DENND5A: variants seen among roughly 807,000 people sequenced by gnomAD.
The protein encoded by DENND5A is DENN domain containing 5A.
Under a neutral mutation model 140.3 loss-of-function variants are expected in DENND5A, and 64 were observed. The observed-to-expected ratio is 0.46, with a 90% CI of 0.37 to 0.56. DENND5A has a LOEUF of 0.56. DENND5A is among the 20% of genes least tolerant of loss of function. The pLI is 0.00. For synonymous variants in DENND5A, 605 were observed against 607.7 expected, an observed-to-expected ratio of 1.00 and a Z score of 0.07; for missense variants, 1,292 against 1,593.8, an observed-to-expected ratio of 0.81 and a Z score of 3.22.
At chr11:9,143,652 C>G (rs1008580226) in intron 19 of DENND5A, among the ~76,000 whole-genome samples, 167 bp from the exon 20 acceptor site, 1 of 152,220 alleles carries the variant, frequency 6.6e-6, no homozygotes, top group Non-Finnish European at 1.5e-5. Flanking sequence ...TTAGCTCTTC[C>G]GCAAATCTTG....
chr11:9,222,377 C>G (rs1850348563), intron 1 of DENND5A, among the ~76,000 whole-genome samples: 1 of 152,092 alleles, frequency 6.6e-6, no homozygotes, highest in East Asian at 1.9e-4. Context: ...TGCCAAAAAT[C>G]TAGTCAGTGT....
intron 1 of DENND5A, among the ~76,000 whole-genome samples, chr11:9,254,775 T>A (rs1851874603): frequency 6.6e-6 from 1 of 152,152 alleles, no homozygotes; most frequent in Admixed American, 6.6e-5. Context: ...AGAAGTCTTA[T>A]TTAAAAGTCT....
At chr11:9,207,838 C>A (rs561799856) in intron 1 of DENND5A, among the ~76,000 whole-genome samples, 1 of 152,080 alleles carries the variant, frequency 6.6e-6, no homozygotes, top group African/African-American at 2.4e-5. Flanking sequence ...ATATTTCCTA[C>A]TCTATATCAT....
chr11:9,141,843 A>C, intron 22 of DENND5A, 97 bp downstream of exon 22: 1 of 1,192,102 alleles, frequency 8.4e-7, no homozygotes, highest in Non-Finnish European at 1.1e-6. Context: ...CCCTAAGGGC[A>C]CCTGATGAGC....
intron 1 of DENND5A, among the ~76,000 whole-genome samples, chr11:9,232,132 G>A (rs1461365220): frequency 6.6e-6 from 1 of 151,804 alleles, no homozygotes; most frequent in Non-Finnish European, 1.5e-5. Flanking sequence ...AATATGAAAG[G>A]TAAAAAAATA....
At chr11:9,190,586 T>C (rs1395048668) in intron 5 of DENND5A, among the ~76,000 whole-genome samples, 1 of 152,142 alleles carries the variant, frequency 6.6e-6, no homozygotes, top group South Asian at 2.1e-4. Flanking sequence ...CACATGGAAC[T>C]CTAAGTCCAT....
intron 5 of DENND5A, among the ~76,000 whole-genome samples, chr11:9,189,186 C>A (rs1250459493): frequency 1.3e-5 from 2 of 152,192 alleles, no homozygotes; most frequent in Non-Finnish European, 2.9e-5. Flanking sequence ...AAGTCCCAAG[C>A]CTTGGCAGCT....
chr11:9,263,638 C>G (rs1590356365), intron 1 of DENND5A, among the ~76,000 whole-genome samples: 1 of 145,108 alleles, frequency 6.9e-6, no homozygotes, highest in Admixed American at 6.8e-5. Flanking sequence ...GTCAGGAGAT[C>G]GAGACCATCC....
At chr11:9,159,094 ATCAC>A (rs1453670181) in intron 12 of DENND5A, among the ~76,000 whole-genome samples, 1 of 152,188 alleles carries the variant, frequency 6.6e-6, no homozygotes, top group Non-Finnish European at 1.5e-5. Context: ...TATAAATGAG[ATCAC>A]ACAATCTGTG....
intron 1 of DENND5A, among the ~76,000 whole-genome samples, chr11:9,259,764 C>T (rs1353599422): frequency 6.6e-6 from 1 of 152,092 alleles, no homozygotes; most frequent in Non-Finnish European, 1.5e-5. Context: ...CGAAGCGGCT[C>T]ACACCTGTAA....
intron 4 of DENND5A, among the ~76,000 whole-genome samples, chr11:9,203,092 T>C (rs1849577268): frequency 6.6e-6 from 1 of 152,206 alleles, no homozygotes; most frequent in Admixed American, 6.5e-5. Context: ...AAATATGTAC[T>C]GAATGAATGA....
chr11:9,227,393 C>T (rs1850576796), intron 1 of DENND5A, among the ~76,000 whole-genome samples: 1 of 152,064 alleles, frequency 6.6e-6, no homozygotes, highest in Non-Finnish European at 1.5e-5. Context: ...GCTATGGAAA[C>T]ATACAAATTT....
At chr11:9,205,397 TTG>T (rs1037067203) in intron 3 of DENND5A, among the ~76,000 whole-genome samples, 29 of 152,340 alleles carry the variant, frequency 1.9e-4, no homozygotes, top group African/African-American at 7.0e-4. Context: ...AGCCTTAAAC[TTG>T]ACTTCCCAAA....
chr11:9,171,008 A>G (rs1408291941), intron 8 of DENND5A: 10 of 658,236 alleles, frequency 1.5e-5, no homozygotes, highest in Non-Finnish European at 2.2e-5. Context: ...CCTGAGAAAC[A>G]GGTAACAAAT....
At chr11:9,209,452 T>C (rs1352216505) in intron 1 of DENND5A, among the ~76,000 whole-genome samples, 1 of 152,130 alleles carries the variant, frequency 6.6e-6, no homozygotes, top group African/African-American at 2.4e-5. Flanking sequence ...ACTGGAGAAG[T>C]GATTGTTAGA....
At chr11:9,228,566 T>C (rs1301851158) in intron 1 of DENND5A, among the ~76,000 whole-genome samples, 1 of 151,818 alleles carries the variant, frequency 6.6e-6, no homozygotes, top group African/African-American at 2.4e-5. Flanking sequence ...CTGAACAACA[T>C]AGTGAAACCC....
intron 8 of DENND5A, among the ~76,000 whole-genome samples, chr11:9,177,244 A>C (rs1405834376): frequency 2.1e-5 from 3 of 142,306 alleles, no homozygotes; most frequent in African/African-American, 7.9e-5. Flanking sequence ...ACTGAGTGAG[A>C]CCCTGTCTCG....
chr11:9,200,838 T>C (rs1432791336), intron 4 of DENND5A, among the ~76,000 whole-genome samples: 2 of 152,234 alleles, frequency 1.3e-5, no homozygotes, highest in African/African-American at 2.4e-5. Flanking sequence ...CTTAATATAA[T>C]GGCCAGAGTG....
At chr11:9,240,422 G>A (rs529996092) in intron 1 of DENND5A, among the ~76,000 whole-genome samples, 14 of 151,884 alleles carry the variant, frequency 9.2e-5, no homozygotes, top group Admixed American at 2.0e-4. Flanking sequence ...AACAAAAACT[G>A]ATCCTGACTG....
Sources: gnomAD v4.1 joint callset for allele counts (sites outside exome capture counted in the v4.1 genomes callset) on GRCh38, gnomAD v4.1.1 for gene constraint, MANE v1.5 for transcripts, NCBI Gene and HGNC (gene_info 2026-07-23, HGNC 2026-07-21) for gene names.